GRK7: variants seen among roughly 807,000 people sequenced by gnomAD.
GRK7 encodes the protein rhodopsin kinase GRK7.
A neutral mutation model predicts 34.1 loss-of-function variants in GRK7; 24 were observed. The ratio of observed to expected loss-of-function variants is 0.70; its 90% CI spans 0.51 to 0.99. The LOEUF (loss-of-function observed/expected upper bound fraction) is 0.99, where lower values mean the gene tolerates loss of function less well. Ranked by LOEUF, GRK7 falls within the 50% of genes least tolerant of loss-of-function variation. The probability of loss-of-function intolerance (pLI) is 0.00; values close to 1 mark genes in which losing one functional copy is unlikely to be tolerated. For synonymous variants in GRK7, 256 were observed against 279.4 expected, an observed-to-expected ratio of 0.92 and a Z score of 0.84; for missense variants, 644 against 707.3, an observed-to-expected ratio of 0.91 and a Z score of 1.02.
chr3:141,782,627 G>A (rs1280701427), intron 4 of GRK7, among the ~76,000 whole-genome samples: 2 of 152,004 alleles, frequency 1.3e-5, no homozygotes, highest in African/African-American at 4.8e-5. Context: ...AACAGAAGCT[G>A]AAAAACACCA....
chr3:141,787,390 G>C (rs1413086953), intron 4 of GRK7, among the ~76,000 whole-genome samples: 1 of 152,140 alleles, frequency 6.6e-6, no homozygotes, highest in African/African-American at 2.4e-5. Context: ...TTGGGAGGCT[G>C]AGGCGGGTGG....
At position 141,765,243 on chromosome 3, in the gene GRK7, T is replaced by A. The variant is rs1340476500; in HGVS notation, c.-710T>A. The stretch of plus-strand genomic sequence containing the variant: ...AGCTCACCAGGATTTGAGCCAGCTG[T>A]TCCTTCTCCCTGAAGTGCTCTACCC... On this transcript the variant is annotated 5_prime_UTR_variant, in exon 1 of 6. Coordinates refer to ENST00000682958, the MANE Select transcript of GRK7 (RefSeq NM_139209.3). 6.6e-6 allele frequency among the ~76,000 whole-genome samples: 1 copy of A among 152,232 alleles called. No individual in the cohort carries two copies.
rs1258368707 is a variant in GRK7, at chr3:141,807,670, C to T, written c.1076C>T (p.Pro359Leu). 5.0e-6 allele frequency: 8 copies of T among 1,614,004 alleles called. No homozygotes were observed. The South Asian group carries it at 7.7e-5, about 16-fold the overall frequency. Residue 359 changes from proline to leucine, a missense_variant, in exon 5 of 6, where the codon CCT becomes CTT. Physicochemically the swap from Pro to Leu is moderately conservative, Grantham distance 98 (BLOSUM62 -3). Transcript: ENST00000682958. ...QRAGTNGYMAPEILMEKVSYS... is the reference protein window; with the variant it reads ...QRAGTNGYMALEILMEKVSYS... ...GCTGGAACCAATGGTTACATGGCTC[C>T]TGAGATCCTAATGGAAAAGGTAAGT...
intron 2 of GRK7, among the ~76,000 whole-genome samples, chr3:141,777,491 A>ATTTTTTTTTTTTTT (rs530806848): frequency 1.2e-5 from 1 of 80,562 alleles, no homozygotes; most frequent in African/African-American, 5.9e-5. Flanking sequence ...AGCCCGGCTA[A>ATTTTTTTTTTTTTT]TTTTTTTTTT....
intron 5 of GRK7, among the ~76,000 whole-genome samples, chr3:141,814,152 T>A (rs73872343): frequency 1.1e-4 from 17 of 152,306 alleles, no homozygotes; most frequent in African/African-American, 4.1e-4. Flanking sequence ...GGAGAGACCA[T>A]GAATATGATT....
At chr3:141,782,813 A>T (rs199856545) in intron 4 of GRK7, among the ~76,000 whole-genome samples, 1 of 35,158 alleles carries the variant, frequency 2.8e-5, no homozygotes, top group Non-Finnish European at 8.0e-5. Flanking sequence ...TTAAAAAAAG[A>T]AAAAAAAAAA....
chr3:141,801,155 C>CA (rs1271724780), intron 4 of GRK7, among the ~76,000 whole-genome samples: 3 of 151,508 alleles, frequency 2.0e-5, no homozygotes, highest in African/African-American at 7.3e-5. Context: ...CTAAAAAATA[C>CA]AAAAAATTAG....
At chr3:141,774,518 A>T (rs2084630514) in intron 1 of GRK7, among the ~76,000 whole-genome samples, 62 bp from the exon 2 acceptor site, 1 of 152,194 alleles carries the variant, frequency 6.6e-6, no homozygotes, top group African/African-American at 2.4e-5. Flanking sequence ...CAGTGAAAGC[A>T]TGTTTTTCCC....
chr3:141,778,763 A>AC lies in GRK7; in HGVS notation c.479_480insC (p.Glu160AspfsTer5). The AC allele has an allele frequency of 6.2e-7, 1 of 1,608,676 alleles. No individual in the cohort carries two copies. Among genetic ancestry groups the AC allele is most frequent in the Admixed American group, 1.7e-5 (1 of 59,104 alleles). On this transcript the variant is annotated frameshift_variant, in exon 3 of 6. Transcript: ENST00000682958. LOFTEE classifies it high-confidence loss of function. The surrounding 1 kb of genome is among the most constrained non-coding windows in gnomAD (Gnocchi z 4.1). ...GCTGAGGCCATGGCTTTCTTGCAAG[A>AC]GCAGCCCTTTAAGGATTTCGTGACC... is the stretch of plus-strand genomic sequence containing the variant.
rs140215103 is a variant in GRK7 at position 141,809,308 on chromosome 3, G to T, written c.1325+1389G>T. On this transcript the variant is annotated intron_variant, in intron 5 of 5. Coordinates refer to ENST00000682958, the MANE Select transcript of GRK7 (RefSeq NM_139209.3). ...ATTCTGTTCCTTTCAAATGTCTCCC[G>T]TAGGATATCATCAGTCCTTCAAAAA... Among the ~76,000 whole-genome samples, 552 of 152,192 alleles carry T rather than the reference G, an allele frequency of 3.6e-3. 4 individuals carry two copies. Among genetic ancestry groups the T allele is most frequent in the African/African-American group, 0.012 (498 of 41,500 alleles).
At chr3:141,807,215 T>C (rs1711045081) in intron 4 of GRK7, among the ~76,000 whole-genome samples, 1 of 152,150 alleles carries the variant, frequency 6.6e-6, no homozygotes, top group African/African-American at 2.4e-5. Flanking sequence ...AATAAAGTGC[T>C]CAACCTTAAA....
chr3:141,776,434 A>G (rs2107875390), intron 2 of GRK7, among the ~76,000 whole-genome samples: 1 of 152,340 alleles, frequency 6.6e-6, no homozygotes, highest in East Asian at 1.9e-4. Flanking sequence ...CTCCGAAGAA[A>G]TTATCAGACC....
At chr3:141,752,279 G>A in the GRK7 span, among the ~76,000 whole-genome samples, 2 of 152,160 alleles carry the variant, frequency 1.3e-5, no homozygotes, top group East Asian at 1.9e-4. Context: ...TTTAATAGAT[G>A]TATAGCATTG....
intron 1 of GRK7, among the ~76,000 whole-genome samples, chr3:141,772,707 C>T (rs2084622058): frequency 1.3e-5 from 2 of 152,122 alleles, no homozygotes; most frequent in South Asian, 4.1e-4. Context: ...TAATGAAAGA[C>T]CTGGGCAAGA....
Position 141,816,900 on chromosome 3 carries a change from C to T in GRK7, c.1512C>T (p.Phe504=), listed in dbSNP as rs1323311630. ...GVEFDDKDKQ[F]FKNFATGAVP... ...AATTTGATGACAAAGATAAGCAGTT[C>T]TTCAAAAACTTTGCGACAGGTGCTG... Residue 504 remains phenylalanine (F), a synonymous_variant, in exon 6 of 6, where the codon TTC becomes TTT. Transcript: ENST00000682958. The T allele has an allele frequency of 1.2e-6, 2 of 1,614,002 alleles. No homozygotes were observed. Among genetic ancestry groups the T allele is most frequent in the Non-Finnish European group, 1.7e-6 (2 of 1,180,016 alleles).
At chr3:141,784,268 C>T (rs1020633248) in intron 4 of GRK7, among the ~76,000 whole-genome samples, 1 of 152,176 alleles carries the variant, frequency 6.6e-6, no homozygotes, top group African/African-American at 2.4e-5. Context: ...CTACCAGGAA[C>T]GTACTTAGTA....
intron 4 of GRK7, among the ~76,000 whole-genome samples, chr3:141,788,977 G>A (rs1047721896): frequency 2.0e-5 from 3 of 152,090 alleles, no homozygotes; most frequent in African/African-American, 7.2e-5. Flanking sequence ...ACCATGCCTG[G>A]CTAATTTTTG....
At chr3:141,766,590 T>A (rs1166522195) in intron 1 of GRK7, among the ~76,000 whole-genome samples, 1 of 152,246 alleles carries the variant, frequency 6.6e-6, no homozygotes, top group Non-Finnish European at 1.5e-5. Flanking sequence ...ACTTCTTCAT[T>A]CCAGAATACA....
intron 1 of GRK7, among the ~76,000 whole-genome samples, chr3:141,771,623 T>C (rs2084617369): frequency 6.6e-6 from 1 of 152,192 alleles, no homozygotes; most frequent in Admixed American, 6.5e-5. Context: ...ATGGCTACAC[T>C]AAACGCCTAG....
Sources: gnomAD v4.1 joint callset for allele counts (sites outside exome capture counted in the v4.1 genomes callset) on GRCh38, gnomAD v4.1.1 for gene constraint, Gnocchi (gnomAD v3.1) non-coding constraint, MANE v1.5 for transcripts, NCBI Gene and HGNC (gene_info 2026-07-23, HGNC 2026-07-21) for gene names.